Variants in RIC3 observed in about 807,000 individuals in gnomAD.
The protein encoded by RIC3 is protein RIC-3.
In RIC3, 28 loss-of-function variants were observed where a neutral mutation model predicts 27.3. The observed-to-expected ratio is 1.02, with a 90% CI of 0.76 to 1.41. The LOEUF is 1.41. Ranked by LOEUF, RIC3 falls within the 40% of genes most tolerant of loss-of-function variation. The pLI is 0.00. For missense variants in RIC3, 501 were observed against 444.7 expected (o/e 1.13, Z -1.14); for synonymous variants, 184 against 160.4 (o/e 1.15, Z -1.11).
chr11:8,152,152 T>C (rs781205434), intron 1 of RIC3, among the ~76,000 whole-genome samples: 23 of 152,200 alleles, frequency 1.5e-4, no homozygotes, highest in Non-Finnish European at 2.8e-4. Flanking sequence ...CTAGTGGGAA[T>C]GTAAAATGGT....
At chr11:8,120,697 C>T (rs1346623863) in intron 5 of RIC3, among the ~76,000 whole-genome samples, 1 of 151,222 alleles carries the variant, frequency 6.6e-6, no homozygotes, top group East Asian at 1.9e-4. Flanking sequence ...ACACCAATAC[C>T]CCAAATATAA....
intron 5 of RIC3, among the ~76,000 whole-genome samples, chr11:8,124,747 G>A (rs184468071): frequency 6.6e-6 from 1 of 152,280 alleles, no homozygotes; most frequent in Admixed American, 6.5e-5. Context: ...GGTTTGTCAA[G>A]CAAATGTCAA....
At chr11:8,164,120 T>G (rs572972996) in intron 1 of RIC3, among the ~76,000 whole-genome samples, 3 of 152,280 alleles carry the variant, frequency 2.0e-5, no homozygotes, top group East Asian at 3.9e-4. Context: ...CAACAAATGG[T>G]GCTGGGGCAA....
chr11:8,093,608 GC>G, the RIC3 span, among the ~76,000 whole-genome samples: 2 of 152,136 alleles, frequency 1.3e-5, no homozygotes, highest in South Asian at 4.1e-4. Context: ...TCCCCGCAGA[GC>G]CCCCTCGTAG....
At chr11:8,147,310 C>A (rs758885288) in intron 1 of RIC3, among the ~76,000 whole-genome samples, 3 of 152,140 alleles carry the variant, frequency 2.0e-5, no homozygotes, top group African/African-American at 7.2e-5. Flanking sequence ...TTCTTGAGGC[C>A]GTGTCATGGG....
At chr11:8,095,671 C>T in the RIC3 span, 7 of 1,584,692 alleles carry the variant, frequency 4.4e-6, no homozygotes, top group South Asian at 6.9e-5. Flanking sequence ...GAAGGGTGAG[C>T]CCCATGGGGA....
chr11:8,121,559 T>TA lies in RIC3; in HGVS notation c.670+5099dup, dbSNP rs199605625. Among the ~76,000 whole-genome samples the TA allele has an allele frequency of 6.4e-3, 975 of 151,974 alleles. 22 individuals carry two copies. The highest frequency in any genetic ancestry group is 0.051 in the Admixed American group (776 of 15,244). ...GGCAAAACCGTGTCTCTACTAAAAC[T>TA]AAAAAAATTAGCTGGGCATGGTGGC... is the stretch of plus-strand genomic sequence containing the variant. On this transcript the variant is annotated intron_variant, in intron 5 of 5. Coordinates refer to ENST00000309737, the MANE Select transcript of RIC3 (RefSeq NM_001206671.4).
At chr11:8,140,278 G>C in intron 1 of RIC3, 85 bp from the exon 2 acceptor site, 1 of 1,249,450 alleles carries the variant, frequency 8.0e-7, no homozygotes, top group Non-Finnish European at 1.1e-6. Flanking sequence ...AGGTATAAAA[G>C]AGGCCAACAC....
At chr11:8,153,093 A>G (rs1590344260) in intron 1 of RIC3, among the ~76,000 whole-genome samples, 1 of 152,360 alleles carries the variant, frequency 6.6e-6, no homozygotes, top group East Asian at 1.9e-4. Context: ...AACATCAAAG[A>G]GATGTTGAAA....
At chr11:8,099,969 A>G in the RIC3 span, among the ~76,000 whole-genome samples, 2 of 152,336 alleles carry the variant, frequency 1.3e-5, no homozygotes, top group South Asian at 4.1e-4. Flanking sequence ...ACTTGGAGTG[A>G]GCTGGAGAGC....
At chr11:8,130,958 G>C (rs1359921561) in intron 4 of RIC3, among the ~76,000 whole-genome samples, 1 of 152,110 alleles carries the variant, frequency 6.6e-6, no homozygotes, top group African/African-American at 2.4e-5. Context: ...TAAAGATTCT[G>C]TGCTTTTTCA....
intron 5 of RIC3, among the ~76,000 whole-genome samples, chr11:8,113,389 C>A (rs1371495445): frequency 6.6e-6 from 1 of 152,202 alleles, no homozygotes; most frequent in Admixed American, 6.5e-5. Context: ...AATGCCTGCA[C>A]CCACAGACCC....
chr11:8,164,499 A>C (rs931776465), intron 1 of RIC3, among the ~76,000 whole-genome samples: 8 of 152,166 alleles, frequency 5.3e-5, no homozygotes, highest in Admixed American at 5.2e-4. Flanking sequence ...CAAGACGCCA[A>C]GTGTGGTGGC....
intron 2 of RIC3, 141 bp from the exon 3 acceptor site, chr11:8,138,488 G>C (rs1948662110): frequency 2.1e-6 from 1 of 466,648 alleles, no homozygotes; most frequent in East Asian, 3.3e-5. Flanking sequence ...TAGAGAAATA[G>C]CTCAAAAAAA....
chr11:8,122,670 A>C (rs1338485784), intron 5 of RIC3, among the ~76,000 whole-genome samples: 1 of 152,154 alleles, frequency 6.6e-6, no homozygotes, highest in East Asian at 1.9e-4. Context: ...ATAACTAAAT[A>C]ATTAGCCCTA....
In RIC3 at chr11:8,108,709, T is replaced by G. The variant is rs577044937; in HGVS notation, c.*1989A>C. On this transcript the variant is annotated 3_prime_UTR_variant, in exon 6 of 6. Coordinates refer to ENST00000309737, the MANE Select transcript of RIC3 (RefSeq NM_001206671.4). ...TCATAGTTCATTTTATCTGTCAGGC[T>G]CTCTCTCGTCACACTGAGTTTTCTG... The G allele has an allele frequency of 2.6e-5, 4 of 152,288 alleles. No homozygotes were observed. The highest frequency in any genetic ancestry group is 3.9e-4 in the East Asian group (2 of 5,184). The allele number at this position is 152,288 out of a possible 1,614,324, so 9.4% of individuals were successfully genotyped here.
chr11:8,146,107 G>T (rs888401250), intron 1 of RIC3, among the ~76,000 whole-genome samples: 1 of 152,164 alleles, frequency 6.6e-6, no homozygotes, highest in Non-Finnish European at 1.5e-5. Context: ...AAGAATGTTT[G>T]CTGTGACAAT....
chr11:8,129,609 C>T (rs1481750146), intron 4 of RIC3, among the ~76,000 whole-genome samples: 2 of 152,214 alleles, frequency 1.3e-5, no homozygotes. Flanking sequence ...TAAAAGGTCA[C>T]AGTTGGGAAA....
chr11:8,100,746 C>T, the RIC3 span: 15 of 1,583,406 alleles, frequency 9.5e-6, no homozygotes, highest in Non-Finnish European at 1.3e-5. Context: ...CAAGGACCCC[C>T]ATTCCCGGGA....
Sources: gnomAD v4.1 joint callset for allele counts (sites outside exome capture counted in the v4.1 genomes callset) on GRCh38, gnomAD v4.1.1 for gene constraint, MANE v1.5 for transcripts, NCBI Gene and HGNC (gene_info 2026-07-23, HGNC 2026-07-21) for gene names.